The following EBPL variants were observed in gnomAD, a reference collection of about 807,000 sequenced individuals.
The protein encoded by EBPL is emopamil-binding protein-like.
Under a neutral mutation model 19.0 loss-of-function variants are expected in EBPL, and 20 were observed. The observed-to-expected ratio is 1.05, with a 90% CI of 0.74 to 1.53. The LOEUF is 1.53. Ranked by LOEUF, EBPL falls within the 40% of genes most tolerant of loss-of-function variation. EBPL has a pLI of 0.00. For synonymous variants in EBPL, 107 were observed against 117.0 expected (o/e 0.91, Z 0.55); for missense variants, 219 against 261.1 (o/e 0.84, Z 1.11).
Position 49,669,836 on chromosome 13 carries a change from A to G in EBPL, c.182T>C (p.Phe61Ser). The G allele has an allele frequency of 6.8e-6, 11 of 1,613,902 alleles. No homozygotes were observed. The highest frequency in any genetic ancestry group is 9.3e-6 in the Non-Finnish European group (11 of 1,179,780). The change falls in exon 2 of 4, where the codon TTT becomes TCT. Residue 61 changes from phenylalanine (F) to serine (S), a missense_variant. Phe to Ser is a radical substitution (Grantham distance 155). Around this residue, in one of 2 missense-constraint regions of EBPL, gnomAD observed 170 missense variants for 167.0 expected, o/e 1.02. Transcript: ENST00000242827. ...ALVHFALEGP[F>S]VYLSLVGNVA... ...GTTTCCTACTAAAGACAAGTAGACA[A>G]AAGGGCCTTCCTAGAGAGGAGAAAA...
rs374925327 is a variant in EBPL, at chr13:49,663,043, A to G, written c.380+14T>C. On this transcript the variant is annotated intron_variant, in intron 3 of 3. Transcript: ENST00000242827. ...TCTCCCCTCCTTCCAGCAGGACAGA[A>G]GAAGGGCACCTACCGGTAATATTTT... The G allele has an allele frequency of 2.4e-5, 38 of 1,613,140 alleles. No individual in the cohort carries two copies. The highest frequency in any genetic ancestry group is 1.3e-4 in the African/African-American group (10 of 74,912).
At chr13:49,686,762 C>G (rs550267310) in intron 1 of EBPL, among the ~76,000 whole-genome samples, 1 of 152,114 alleles carries the variant, frequency 6.6e-6, no homozygotes, top group Non-Finnish European at 1.5e-5. Flanking sequence ...GTCTCTCCAA[C>G]TCAATTTACA....
intron 1 of EBPL, among the ~76,000 whole-genome samples, chr13:49,677,177 A>C (rs1953886079): frequency 6.6e-6 from 1 of 152,040 alleles, no homozygotes; most frequent in Non-Finnish European, 1.5e-5. Flanking sequence ...ACCAACAAAC[A>C]CTTGTCTTTT....
chr13:49,687,122 C>T (rs148793259), intron 1 of EBPL, among the ~76,000 whole-genome samples: 2 of 152,132 alleles, frequency 1.3e-5, no homozygotes, highest in South Asian at 2.1e-4. Flanking sequence ...TAACTGCACA[C>T]GAGGACCCCC....
intron 1 of EBPL, among the ~76,000 whole-genome samples, chr13:49,677,882 G>T (rs1199863786): frequency 1.3e-5 from 2 of 152,230 alleles, no homozygotes; most frequent in African/African-American, 2.4e-5. Context: ...CTTCTGGTGG[G>T]TTCGTGGTCT....
chr13:49,670,786 C>T (rs1953805469), intron 1 of EBPL, among the ~76,000 whole-genome samples: 1 of 152,110 alleles, frequency 6.6e-6, no homozygotes, highest in African/African-American at 2.4e-5. Flanking sequence ...AACTGAAAAC[C>T]TCAGCTCACT....
At chr13:49,689,257 C>G (rs191062958) in intron 1 of EBPL, among the ~76,000 whole-genome samples, 51 of 152,282 alleles carry the variant, frequency 3.3e-4, no homozygotes, top group Non-Finnish European at 6.3e-4. Context: ...ACAACCTGAG[C>G]TTGAAAAGTA....
chr13:49,690,077 G>A (rs954402894), intron 1 of EBPL, among the ~76,000 whole-genome samples: 5 of 151,458 alleles, frequency 3.3e-5, no homozygotes, highest in Admixed American at 6.6e-5. Context: ...TTTAACCCAA[G>A]GGGCGGAGGT....
At chr13:49,670,224 CT>C (rs1213421086) in intron 1 of EBPL, among the ~76,000 whole-genome samples, 4 of 151,956 alleles carry the variant, frequency 2.6e-5, no homozygotes, top group Non-Finnish European at 4.4e-5. Flanking sequence ...CAGAAGTTCA[CT>C]TTTTTTTAAC....
intron 2 of EBPL, among the ~76,000 whole-genome samples, chr13:49,667,008 C>G (rs1965239030): frequency 1.3e-5 from 2 of 151,996 alleles, no homozygotes; most frequent in African/African-American, 4.8e-5. Context: ...GGAGCATGTG[C>G]AAAGGCCTGG....
intron 2 of EBPL, among the ~76,000 whole-genome samples, chr13:49,666,886 TA>T (rs11275522): frequency 0.43 from 60,525 of 139,904 alleles, 13,485 homozygotes; most frequent in East Asian, 0.81. Flanking sequence ...GAGACTCTGT[TA>T]AAAAAAAAAG....
chr13:49,684,987 A>T (rs1953981922), intron 1 of EBPL, among the ~76,000 whole-genome samples: 1 of 151,950 alleles, frequency 6.6e-6, no homozygotes, highest in Admixed American at 6.6e-5. Flanking sequence ...CTCACTGCAA[A>T]CTCTGCCTCC....
At chr13:49,665,281 T>C (rs1010225205) in intron 2 of EBPL, among the ~76,000 whole-genome samples, 13 of 152,108 alleles carry the variant, frequency 8.5e-5, no homozygotes, top group Non-Finnish European at 4.4e-5. Context: ...CAGCTAATAC[T>C]GACTGACTGA....
chr13:49,665,982 T>C (rs561728978), intron 2 of EBPL, among the ~76,000 whole-genome samples: 1 of 152,292 alleles, frequency 6.6e-6, no homozygotes, highest in Admixed American at 6.5e-5. Context: ...AGGGCTATGG[T>C]GATGGCTGAA....
intron 1 of EBPL, among the ~76,000 whole-genome samples, chr13:49,680,410 C>T (rs1479678484): frequency 3.9e-5 from 6 of 152,182 alleles, no homozygotes; most frequent in Non-Finnish European, 7.4e-5. Flanking sequence ...GAGAGAAGGA[C>T]AAAAACAGAA....
intron 1 of EBPL, among the ~76,000 whole-genome samples, chr13:49,675,784 G>A (rs1195234954): frequency 6.6e-6 from 1 of 152,020 alleles, no homozygotes; most frequent in Admixed American, 6.6e-5. Flanking sequence ...TTTCTGCAGC[G>A]CTGGCACCAT....
chr13:49,684,396 C>T (rs75749230), intron 1 of EBPL, among the ~76,000 whole-genome samples: 3,112 of 152,308 alleles, frequency 0.02, 41 homozygotes, highest in South Asian at 0.029. Flanking sequence ...AGAGGCCAGG[C>T]GTAGTGGCTC....
At chr13:49,679,095 C>T (rs906563770) in intron 1 of EBPL, among the ~76,000 whole-genome samples, 36 of 151,652 alleles carry the variant, frequency 2.4e-4, no homozygotes, top group African/African-American at 7.5e-4. Flanking sequence ...GAAAACACTA[C>T]TTACTATTTG....
intron 2 of EBPL, among the ~76,000 whole-genome samples, chr13:49,665,724 T>C (rs1396664076): frequency 6.6e-6 from 1 of 152,064 alleles, no homozygotes; most frequent in Admixed American, 6.6e-5. Flanking sequence ...TCTTTTTTTT[T>C]TTTTTTAAGC....
Sources: allele counts gnomAD v4.1 joint callset (sites outside exome capture counted in the v4.1 genomes callset), GRCh38; gene constraint gnomAD v4.1.1; regional missense constraint gnomAD v4.1.1; transcripts MANE v1.5; gene names NCBI Gene and HGNC (gene_info 2026-07-23, HGNC 2026-07-21).